Variants in MTURN observed in about 807,000 individuals in gnomAD.
MTURN encodes maturin, neural progenitor differentiation regulator homolog.
Under a neutral mutation model 14.9 loss-of-function variants are expected in MTURN, and 7 were observed. The observed-to-expected ratio is 0.47, with a 90% CI of 0.27 to 0.88. The LOEUF (loss-of-function observed/expected upper bound fraction) is 0.88. Among genes scored for constraint, MTURN ranks in the 40% least tolerant of loss-of-function variants. The pLI, the probability that MTURN is intolerant of heterozygous loss-of-function variation, is 0.14. For synonymous variants in MTURN, 69 were observed against 72.5 expected (o/e 0.95, Z 0.25); for missense variants, 151 against 174.1 (o/e 0.87, Z 0.75).
intron 2 of MTURN, among the ~76,000 whole-genome samples, chr7:30,154,367 A>G (rs1797254255): frequency 6.6e-6 from 1 of 152,282 alleles, no homozygotes; most frequent in African/African-American, 2.4e-5. Context: ...ATAACGACCC[A>G]TGTTCCCTGG....
chr7:30,136,488 TG>T (rs1796963985), intron 1 of MTURN, among the ~76,000 whole-genome samples: 1 of 151,900 alleles, frequency 6.6e-6, no homozygotes, highest in African/African-American at 2.4e-5. Flanking sequence ...GCTCCTCAGG[TG>T]GGGGAGACAA....
intron 1 of MTURN, chr7:30,141,424 AAAAAAAAAAG>A (rs1271927844): frequency 2.6e-5 from 4 of 151,904 alleles, no homozygotes; most frequent in African/African-American, 9.7e-5. Context: ...CAAAAAAAAA[AAAAAAAAAAG>A]AGAAAAAAAG....
At chr7:30,146,749 A>G (rs910728430) in intron 2 of MTURN, among the ~76,000 whole-genome samples, 2 of 152,180 alleles carry the variant, frequency 1.3e-5, no homozygotes, top group Non-Finnish European at 2.9e-5. Flanking sequence ...ATGAAACTGG[A>G]TACTGGCTCT....
chr7:30,136,841 C>T (rs1239710879), intron 1 of MTURN, among the ~76,000 whole-genome samples: 1 of 152,096 alleles, frequency 6.6e-6, no homozygotes, highest in African/African-American at 2.4e-5. Context: ...ATATAGGTAA[C>T]GCACCGAATA....
chr7:30,141,990 G>A (rs1000085206), intron 1 of MTURN, among the ~76,000 whole-genome samples: 1 of 152,114 alleles, frequency 6.6e-6, no homozygotes, highest in South Asian at 2.1e-4. Flanking sequence ...CCCCCACCCT[G>A]CTTAAGCACC....
chr7:30,148,762 A>G (rs12701007), intron 2 of MTURN, among the ~76,000 whole-genome samples: 14,684 of 110,714 alleles, frequency 0.13, 850 homozygotes, highest in East Asian at 0.26. Flanking sequence ...GAGATGGGGA[A>G]GGCTGCGGGG....
Position 30,151,742 on chromosome 7 carries a change from C to T in MTURN, c.285+5443C>T, listed in dbSNP as rs145388039. Among the ~76,000 whole-genome samples the T allele has an allele frequency of 5.7e-3, 865 of 152,198 alleles. 8 individuals carry two copies. The highest frequency in any genetic ancestry group is 0.02 in the African/African-American group (817 of 41,516). On this transcript the variant is annotated intron_variant, in intron 2 of 2. Transcript: ENST00000324453. ...TTTGGTTGTTGTTGCTTCCATGGCC[C>T]GGCCTGGAGTTGGGTCCTGTGGTCC...
At chr7:30,151,446 G>A (rs908358928) in intron 2 of MTURN, among the ~76,000 whole-genome samples, 16 of 152,210 alleles carry the variant, frequency 1.1e-4, no homozygotes, top group South Asian at 4.1e-4. Flanking sequence ...TGATCATGCC[G>A]TTCAGTTTTC....
rs33952294 is a variant in MTURN at position 30,140,415 on chromosome 7, G to GTGTGTGTGTATATATATATATATA, written c.162+5118_162+5119insGTGTGTGTATATATATATATATAT. Among the ~76,000 whole-genome samples, 474 of 143,780 alleles carry GTGTGTGTGTATATATATATATATA rather than the reference G, an allele frequency of 3.3e-3. 9 individuals are homozygous for GTGTGTGTGTATATATATATATATA. The highest frequency in any genetic ancestry group is 7.8e-3 in the South Asian group (34 of 4,362). 94.3% of individuals were successfully genotyped at this position (143,780 alleles called of 152,430 possible). On this transcript the variant is annotated intron_variant, in intron 1 of 2. Transcript: ENST00000324453. ...GAGGGGTGTGTGTGTGTGTGTGTGTGTATCCCCATTTGTGGTCTGAACACA... is the reference window on the plus strand; with the variant it reads ...GAGGGGTGTGTGTGTGTGTGTGTGTGTGTGTGTGTATATATATATATATATATCCCCATTTGTGGTCTGAACACA...
At chr7:30,138,153 T>C (rs926720294) in intron 1 of MTURN, among the ~76,000 whole-genome samples, 3 of 152,160 alleles carry the variant, frequency 2.0e-5, no homozygotes, top group Non-Finnish European at 2.9e-5. Context: ...TCTTGCTCTG[T>C]CGCCCAGGCT....
At chr7:30,136,277 A>G (rs999017471) in intron 1 of MTURN, among the ~76,000 whole-genome samples, 16 of 151,054 alleles carry the variant, frequency 1.1e-4, no homozygotes, top group Non-Finnish European at 1.9e-4. Context: ...CTGGCAGTTG[A>G]GGAAGGGGAT....
chr7:30,145,004 A>T (rs1272244244), intron 1 of MTURN, among the ~76,000 whole-genome samples: 1 of 121,600 alleles, frequency 8.2e-6, no homozygotes, highest in Non-Finnish European at 1.6e-5. Context: ...GATTCTTGGT[A>T]CCTGACAGAT....
intron 1 of MTURN, among the ~76,000 whole-genome samples, chr7:30,138,266 C>A (rs966733089): frequency 2.0e-5 from 3 of 152,102 alleles, no homozygotes; most frequent in African/African-American, 7.2e-5. Flanking sequence ...AAGGCGTGCA[C>A]CCCACGCCCA....
At chr7:30,136,388 T>C (rs1796961690) in intron 1 of MTURN, among the ~76,000 whole-genome samples, 2 of 152,100 alleles carry the variant, frequency 1.3e-5, no homozygotes, top group South Asian at 4.1e-4. Flanking sequence ...TCCCCAAATG[T>C]AAGATGGAGG....
At chr7:30,147,440 G>A (rs12532582) in intron 2 of MTURN, among the ~76,000 whole-genome samples, 15,204 of 152,172 alleles carry the variant, frequency 0.1, 828 homozygotes, top group Admixed American at 0.12. Flanking sequence ...GGCAGGATGC[G>A]GGTCTGGCCT....
chr7:30,135,318 A>G lies in MTURN; in HGVS notation c.162+20A>G, dbSNP rs1052664244. The G allele has an allele frequency of 4.9e-5, 73 of 1,504,564 alleles. No homozygotes were observed. Among genetic ancestry groups the G allele is most frequent in the Non-Finnish European group, 6.3e-5 (71 of 1,125,426 alleles). The allele number at this position is 1,504,564 out of a possible 1,614,324, so 93.2% of individuals were successfully genotyped here. A position where few individuals can be genotyped will look rare whatever the true frequency, so the allele number is the denominator to read the frequency against. On this transcript the variant is annotated intron_variant, in intron 1 of 2. Transcript: ENST00000324453. ...AATTTTGTGAGTGCCTGGAGGAGGG[A>G]CCGCCGGAGCCGGCGGGAGTGTGGA...
intron 2 of MTURN, among the ~76,000 whole-genome samples, chr7:30,147,043 C>T (rs1199488054): frequency 6.6e-6 from 1 of 152,224 alleles, no homozygotes; most frequent in African/African-American, 2.4e-5. Flanking sequence ...GCTAGAATTT[C>T]TATTTATTTT....
intron 2 of MTURN, among the ~76,000 whole-genome samples, chr7:30,150,697 G>A (rs996617004): frequency 4.6e-5 from 7 of 152,190 alleles, no homozygotes; most frequent in South Asian, 4.1e-4. Context: ...ATGAGGAGGT[G>A]GGACTGAAGA....
At chr7:30,139,314 C>A in intron 1 of MTURN, among the ~76,000 whole-genome samples, 1 of 152,238 alleles carries the variant, frequency 6.6e-6, no homozygotes, top group African/African-American at 2.4e-5. Context: ...CTTTAGTACT[C>A]TCACATAATT....
Sources: allele counts gnomAD v4.1 joint callset (sites outside exome capture counted in the v4.1 genomes callset), GRCh38; gene constraint gnomAD v4.1.1; transcripts MANE v1.5; gene names NCBI Gene and HGNC (gene_info 2026-07-23, HGNC 2026-07-21).